Variants in PCGF3 observed in about 807,000 individuals in gnomAD.
PCGF3 encodes the protein polycomb group ring finger 3.
Under a neutral mutation model 33.1 loss-of-function variants are expected in PCGF3, and 7 were observed. The ratio of observed to expected loss-of-function variants is 0.21; its 90% CI spans 0.12 to 0.40. The LOEUF (loss-of-function observed/expected upper bound fraction) is 0.40. PCGF3 is among the 10% of genes least tolerant of loss of function. The pLI is 1.00. For synonymous variants in PCGF3, 153 were observed against 121.3 expected, an observed-to-expected ratio of 1.26 and a Z score of -1.72; for missense variants, 211 against 313.3, an observed-to-expected ratio of 0.67 and a Z score of 2.46.
At chr4:725,816 G>A (rs1743309223) in intron 1 of PCGF3, among the ~76,000 whole-genome samples, 2 of 152,120 alleles carry the variant, frequency 1.3e-5, no homozygotes, top group South Asian at 4.1e-4. Flanking sequence ...CAGCCTCAGC[G>A]CTCGTCCCCG....
intron 1 of PCGF3, among the ~76,000 whole-genome samples, chr4:719,897 A>T (rs974343391): frequency 3.3e-5 from 5 of 152,076 alleles, no homozygotes; most frequent in African/African-American, 4.8e-5. Context: ...GGGCCGCATT[A>T]TAGAGGGAGG....
At chr4:755,395 C>G (rs1164206152) in intron 8 of PCGF3, among the ~76,000 whole-genome samples, 1 of 152,148 alleles carries the variant, frequency 6.6e-6, no homozygotes, top group Non-Finnish European at 1.5e-5. Context: ...TTGTTCTTTG[C>G]CCATCTCTGT....
chr4:762,270 G>A (rs28661813), intron 9 of PCGF3: 11,595 of 235,116 alleles, frequency 0.049, 1,388 homozygotes, highest in African/African-American at 0.25. Flanking sequence ...CACAAGTGAG[G>A]CGGAGGAAGA....
chr4:741,492 C>T lies in PCGF3; in HGVS notation c.263-1982C>T, dbSNP rs761797674. Among the ~76,000 whole-genome samples, 7 of 152,170 alleles carry T rather than the reference C, an allele frequency of 4.6e-5. No individual in the cohort carries two copies. In the East Asian group the frequency reaches 1.2e-3, roughly 25 times the overall value. ...CACGATCTCAGCTCACTGCAACCTC[C>T]GCCTCCCAGGTTCACACAGTTGTCC... On this transcript the variant is annotated intron_variant, in intron 6 of 10. Transcript: ENST00000362003.
intron 1 of PCGF3, among the ~76,000 whole-genome samples, chr4:716,744 G>A (rs1167504165): frequency 7.6e-6 from 1 of 131,054 alleles, no homozygotes; most frequent in Admixed American, 7.7e-5. Flanking sequence ...ACTGGGCGTC[G>A]GTGCTGGGAC....
chr4:713,213 G>A (rs865951788), intron 1 of PCGF3, among the ~76,000 whole-genome samples: 1 of 139,408 alleles, frequency 7.2e-6, no homozygotes, highest in African/African-American at 2.8e-5. Context: ...CCTGGTGGGG[G>A]CTGTGGCCTT....
intron 5 of PCGF3, 143 bp downstream of exon 5, chr4:735,170 T>A (rs558581323): frequency 1.1e-6 from 1 of 902,810 alleles, no homozygotes; most frequent in African/African-American, 1.7e-5. Flanking sequence ...CCCCAGGAGC[T>A]GCACACGAAG....
exon 4 of PCGF3, chr4:733,688 C>A: frequency 6.2e-7 from 1 of 1,604,876 alleles, no homozygotes; most frequent in South Asian, 1.1e-5. Context: ...AAGATGTTGA[C>A]CAGGAAGATC....
intron 8 of PCGF3, among the ~76,000 whole-genome samples, chr4:751,305 C>G (rs940324350): frequency 1.3e-5 from 2 of 152,176 alleles, no homozygotes; most frequent in African/African-American, 4.8e-5. Context: ...TTATTTCACA[C>G]TAATTTTATT....
intron 8 of PCGF3, among the ~76,000 whole-genome samples, chr4:756,074 C>T (rs568345478): frequency 2.0e-5 from 3 of 151,682 alleles, no homozygotes; most frequent in African/African-American, 7.3e-5. Context: ...CCACCATACC[C>T]AGCTAATTTT....
intron 6 of PCGF3, among the ~76,000 whole-genome samples, chr4:740,676 G>GC (rs1744048774): frequency 6.6e-6 from 1 of 152,206 alleles, no homozygotes. Flanking sequence ...GATCCCATGA[G>GC]CTAAGAATGT....
chr4:743,657 C>G (rs1744190708), intron 7 of PCGF3, 73 bp downstream of exon 7: 1 of 869,728 alleles, frequency 1.1e-6, no homozygotes. Context: ...AGAGCTGGCG[C>G]TGTCTGCCGG....
rs550562021 is a variant in PCGF3 at position 754,727 on chromosome 4, T to C, written c.463-6552T>C. On this transcript the variant is annotated intron_variant, in intron 8 of 10. Transcript: ENST00000362003. ...GTTGGGATGTGAGATCGGGGTGTGCTGTGGGATGCAGCCTGGCGTGGCTTT... is the reference window on the plus strand; with the variant it reads ...GTTGGGATGTGAGATCGGGGTGTGCCGTGGGATGCAGCCTGGCGTGGCTTT... Among the ~76,000 whole-genome samples, 10 of 152,252 alleles carry C rather than the reference T, an allele frequency of 6.6e-5. No homozygotes were observed. In the South Asian group the frequency reaches 2.1e-3, roughly 32 times the overall value.
At chr4:748,571 C>T (rs1283758457) in intron 8 of PCGF3, among the ~76,000 whole-genome samples, 1 of 152,142 alleles carries the variant, frequency 6.6e-6, no homozygotes. Context: ...CACGTGTGTC[C>T]AACGTGGGAT....
chr4:709,985 C>T (rs546907333), intron 1 of PCGF3, among the ~76,000 whole-genome samples: 2 of 152,166 alleles, frequency 1.3e-5, no homozygotes, highest in Non-Finnish European at 2.9e-5. Context: ...GCTTGTGAAG[C>T]TGAGTGTTCA....
exon 8 of PCGF3, chr4:744,684 A>G: frequency 6.5e-7 from 1 of 1,549,842 alleles, no homozygotes; most frequent in Non-Finnish European, 8.7e-7. Context: ...CGCAGCGACG[A>G]GCAGGTGGGC....
At chr4:741,703 G>C (rs910076111) in intron 6 of PCGF3, among the ~76,000 whole-genome samples, 53 of 152,114 alleles carry the variant, frequency 3.5e-4, no homozygotes, top group African/African-American at 1.3e-3. Context: ...CACCGCGCCC[G>C]GCCCCAATAA....
chr4:764,354 A>T (rs1246312025), intron 9 of PCGF3: 1 of 152,192 alleles, frequency 6.6e-6, no homozygotes. Flanking sequence ...AGAGGGAGGG[A>T]CAGCCTGGAC....
chr4:762,896 AAAGG>A (rs1434117416), intron 9 of PCGF3: 1 of 152,250 alleles, frequency 6.6e-6, no homozygotes, highest in Non-Finnish European at 1.5e-5. Flanking sequence ...GATGCAGAGA[AAAGG>A]AAGGGGTCAG....
Sources: gnomAD v4.1 joint callset for allele counts (sites outside exome capture counted in the v4.1 genomes callset) on GRCh38, gnomAD v4.1.1 for gene constraint, MANE v1.5 for transcripts, NCBI Gene and HGNC (gene_info 2026-07-23, HGNC 2026-07-21) for gene names.